The following PLEKHM2 variants were observed in gnomAD, a reference collection of about 807,000 sequenced individuals.
The protein encoded by PLEKHM2 is pleckstrin homology domain-containing family M member 2.
A neutral mutation model predicts 116.3 loss-of-function variants in PLEKHM2; 77 were observed. The ratio of observed to expected loss-of-function variants is 0.66; its 90% confidence interval spans 0.55 to 0.80. The LOEUF (loss-of-function observed/expected upper bound fraction) is 0.80, where lower values mean the gene tolerates loss of function less well. Among genes scored for constraint, PLEKHM2 ranks in the 30% least tolerant of loss-of-function variants. PLEKHM2 has a pLI of 0.00. For synonymous variants in PLEKHM2, 562 were observed against 571.0 expected (o/e 0.98, Z 0.22); for missense variants, 1,183 against 1,354.9 (o/e 0.87, Z 1.99).
At chr1:15,726,602 T>C (rs2068066392) in intron 8 of PLEKHM2, among the ~76,000 whole-genome samples, 1 of 152,176 alleles carries the variant, frequency 6.6e-6, no homozygotes, top group African/African-American at 2.4e-5. Flanking sequence ...TCCTCCATGA[T>C]GATGCCTGAG....
intron 1 of PLEKHM2, among the ~76,000 whole-genome samples, chr1:15,690,056 G>A (rs112167764): frequency 0.097 from 14,545 of 150,156 alleles, 948 homozygotes; most frequent in African/African-American, 0.18. Flanking sequence ...GCACCCAGCC[G>A]AGGTTTTTTT....
intron 15 of PLEKHM2, 44 bp downstream of exon 15, chr1:15,730,766 G>T (rs761415224): frequency 6.6e-7 from 1 of 1,504,708 alleles, no homozygotes; most frequent in Non-Finnish European, 9.0e-7. Flanking sequence ...GGGCCCTGGG[G>T]TGGCTGGGCT....
chr1:15,730,046 TGGGCG>T (rs57687369), intron 14 of PLEKHM2, 117 bp downstream of exon 14: 7,885 of 164,292 alleles, frequency 0.048, 556 homozygotes, highest in African/African-American at 0.17. Flanking sequence ...ATCGCCTACC[TGGGCG>T]GGGCGGGGCG....
chr1:15,725,996 TG>T (rs943852690), intron 8 of PLEKHM2: 9 of 170,438 alleles, frequency 5.3e-5, no homozygotes, highest in Admixed American at 5.2e-4. Context: ...ACCATCACAT[TG>T]GGAGTTAGGA....
At chr1:15,697,305 C>A (rs1641017584) in intron 1 of PLEKHM2, among the ~76,000 whole-genome samples, 1 of 152,200 alleles carries the variant, frequency 6.6e-6, no homozygotes, top group Admixed American at 6.5e-5. Context: ...CATTGGCTGG[C>A]TTCTAGGTCT....
Position 15,719,664 on chromosome 1 carries a change from A to C in PLEKHM2, c.466-70A>C. On this transcript the variant is annotated intron_variant, in intron 5 of 19. Transcript: ENST00000375799. This position sits in a 1 kb window ranked among gnomAD's most constrained non-coding sequence, Gnocchi z 4.1. The stretch of plus-strand genomic sequence containing the variant: ...GCACATCTGTGTCTCCCAGGCCTGG[A>C]TCCTGCTGTCTGCAGAAGGCCGCTG... 9.5e-7 allele frequency: 1 copy of C among 1,047,676 alleles called. No homozygotes were observed. The highest frequency in any genetic ancestry group is 1.4e-5 in the South Asian group (1 of 70,342). 64.9% of individuals were successfully genotyped at this position (1,047,676 alleles called of 1,614,324 possible).
intron 1 of PLEKHM2, among the ~76,000 whole-genome samples, chr1:15,701,179 C>T (rs1641103811): frequency 6.7e-6 from 1 of 148,424 alleles, no homozygotes; most frequent in Non-Finnish European, 1.5e-5. Context: ...CTCCTGTAAT[C>T]CCAGCACTTG....
At chr1:15,730,298 C>T (rs1348518581) in intron 14 of PLEKHM2, among the ~76,000 whole-genome samples, 1 of 152,228 alleles carries the variant, frequency 6.6e-6, no homozygotes, top group Admixed American at 6.5e-5. Flanking sequence ...AAAATTCAGC[C>T]AGGCGTGGTG....
At chr1:15,724,549 C>T (rs752941817) in intron 7 of PLEKHM2, among the ~76,000 whole-genome samples, 1 of 152,090 alleles carries the variant, frequency 6.6e-6, no homozygotes, top group Non-Finnish European at 1.5e-5. Context: ...GGTCCTGCCC[C>T]CGAGGAGTGT....
chr1:15,726,558 G>A (rs550992339), intron 8 of PLEKHM2, among the ~76,000 whole-genome samples: 30 of 152,322 alleles, frequency 2.0e-4, no homozygotes, highest in African/African-American at 7.0e-4. Context: ...CCCGGAGCGT[G>A]AGCCCAGAAA....
rs1174666500 is a variant in PLEKHM2, at chr1:15,719,207, T to C, written c.466-527T>C. 6.6e-6 allele frequency among the ~76,000 whole-genome samples: 1 copy of C among 152,138 alleles called. No individual in the cohort carries two copies. Among genetic ancestry groups the C allele is most frequent in the Non-Finnish European group, 1.5e-5 (1 of 68,022 alleles). ...GCTCACACCTATAATCCCAGCACTT[T>C]GGGAGGCTGAGGTGGGTGGATCACC... On this transcript the variant is annotated intron_variant, in intron 5 of 19. Coordinates refer to ENST00000375799, the MANE Select transcript of PLEKHM2 (RefSeq NM_015164.4). This position sits in a 1 kb window ranked among gnomAD's most constrained non-coding sequence, Gnocchi z 4.1.
chr1:15,729,634 G>A lies in PLEKHM2; in HGVS notation c.2076-163G>A, dbSNP rs557034447. 6.6e-6 allele frequency among the ~76,000 whole-genome samples: 1 copy of A among 152,262 alleles called. No homozygotes were observed. The highest frequency in any genetic ancestry group is 2.1e-4 in the South Asian group (1 of 4,830). On this transcript the variant is annotated intron_variant, in intron 13 of 19. Transcript: ENST00000375799. The surrounding 1 kb of genome is among the most constrained non-coding windows in gnomAD (Gnocchi z 4.7). ...TTCCAGTTGTCATTTGATGACCTTGGACCTGCGTCATTGCCGCACCTGCCG... is the reference window on the plus strand; with the variant it reads ...TTCCAGTTGTCATTTGATGACCTTGAACCTGCGTCATTGCCGCACCTGCCG...
At chr1:15,700,462 CT>C (rs1458040621) in intron 1 of PLEKHM2, among the ~76,000 whole-genome samples, 1 of 152,156 alleles carries the variant, frequency 6.6e-6, no homozygotes, top group Non-Finnish European at 1.5e-5. Flanking sequence ...GGAAGTGCCC[CT>C]GTCTCCCTGG....
intron 1 of PLEKHM2, among the ~76,000 whole-genome samples, chr1:15,715,299 G>A (rs1035527425): frequency 5.9e-5 from 9 of 152,216 alleles, no homozygotes; most frequent in African/African-American, 9.7e-5. Flanking sequence ...GCAGCGAGCC[G>A]TGATCACACC....
intron 1 of PLEKHM2, among the ~76,000 whole-genome samples, chr1:15,715,091 CT>C (rs1641417751): frequency 6.6e-6 from 1 of 152,170 alleles, no homozygotes; most frequent in Non-Finnish European, 1.5e-5. Flanking sequence ...TGGTGTAGGG[CT>C]TAACGTGAGC....
At chr1:15,701,274 A>C (rs1192440097) in intron 1 of PLEKHM2, among the ~76,000 whole-genome samples, 1 of 151,008 alleles carries the variant, frequency 6.6e-6, no homozygotes, top group African/African-American at 2.4e-5. Context: ...TCTACTAAAA[A>C]TACAAAAAAT....
intron 1 of PLEKHM2, among the ~76,000 whole-genome samples, chr1:15,713,378 G>A (rs1388982183): frequency 6.6e-6 from 1 of 152,072 alleles, no homozygotes; most frequent in African/African-American, 2.4e-5. Flanking sequence ...GAGCAAGGGG[G>A]CCTTTATTCT....
intron 1 of PLEKHM2, among the ~76,000 whole-genome samples, chr1:15,698,789 TCCAC>T (rs1211480719): frequency 6.6e-6 from 1 of 151,856 alleles, no homozygotes; most frequent in Admixed American, 6.6e-5. Context: ...CCTCAGGTGA[TCCAC>T]CCACCTCAGC....
intron 14 of PLEKHM2, 105 bp downstream of exon 14, chr1:15,730,034 C>T: frequency 2.5e-6 from 1 of 403,530 alleles, no homozygotes. Flanking sequence ...TGCCATTTCA[C>T]AATCGCCTAC....
Sources: allele counts gnomAD v4.1 joint callset (sites outside exome capture counted in the v4.1 genomes callset), GRCh38; gene constraint gnomAD v4.1.1; non-coding constraint Gnocchi (gnomAD v3.1); transcripts MANE v1.5; gene names NCBI Gene and HGNC (gene_info 2026-07-23, HGNC 2026-07-21).